GFOD2: variants seen among roughly 807,000 people sequenced by gnomAD.
GFOD2 encodes Gfo/Idh/MocA-like oxidoreductase domain containing 2.
A neutral mutation model predicts 24.6 loss-of-function variants in GFOD2; 9 were observed. The ratio of observed to expected loss-of-function variants is 0.37; its 90% confidence interval spans 0.22 to 0.64. GFOD2 has a LOEUF of 0.64. Among genes scored for constraint, GFOD2 ranks in the 30% least tolerant of loss-of-function variants. The pLI, the probability that GFOD2 is intolerant of heterozygous loss-of-function variation, is 0.65. For missense variants in GFOD2, 476 were observed against 532.5 expected (o/e 0.89, Z 1.04); for synonymous variants, 211 against 224.8 (o/e 0.94, Z 0.55).
chr16:67,692,957 G>A (rs989019545), intron 1 of GFOD2, among the ~76,000 whole-genome samples: 6 of 151,734 alleles, frequency 4.0e-5, no homozygotes, highest in Non-Finnish European at 8.8e-5. Context: ...GTGAACCCAG[G>A]AGGCAGAGCT....
chr16:67,695,043 A>AGCG, intron 1 of GFOD2, among the ~76,000 whole-genome samples: 1 of 125,660 alleles, frequency 8.0e-6, no homozygotes, highest in East Asian at 2.3e-4. Context: ...CCTAGGCTGG[A>AGCG]GCGTAATGGT....
intron 2 of GFOD2, chr16:67,685,081 G>C: frequency 8.3e-7 from 1 of 1,209,154 alleles, no homozygotes; most frequent in Middle Eastern, 3.4e-4. Context: ...TCCTTCCTGT[G>C]GTGCTGTGTG....
chr16:67,681,584 AT>A, intron 2 of GFOD2: 1 of 552,212 alleles, frequency 1.8e-6, no homozygotes, highest in Non-Finnish European at 2.3e-6. Flanking sequence ...AATTTTTTGT[AT>A]TTTTGGTAGA....
rs2053408102 is a variant in GFOD2 at position 67,702,285 on chromosome 16, A to G, written c.-87-16483T>C. On this transcript the variant is annotated intron_variant, in intron 1 of 2. Transcript: ENST00000268797. ...GATTGCTTGAGGCTAGGAGTTTGAG[A>G]CCAACATGTGAAACACTGTCTCTGC... 2.0e-5 allele frequency among the ~76,000 whole-genome samples: 3 copies of G among 151,952 alleles called. No individual in the cohort carries two copies. In the South Asian group the frequency reaches 6.2e-4, roughly 32 times the overall value.
intron 1 of GFOD2, among the ~76,000 whole-genome samples, chr16:67,694,169 G>A (rs907257778): frequency 3.3e-5 from 5 of 152,028 alleles, no homozygotes; most frequent in Admixed American, 2.0e-4. Context: ...TAATTTTTTT[G>A]TATTTTTAGT....
At chr16:67,687,501 TGTG>T (rs1183846164) in intron 1 of GFOD2, among the ~76,000 whole-genome samples, 1 of 151,374 alleles carries the variant, frequency 6.6e-6, no homozygotes, top group East Asian at 1.9e-4. Context: ...ATTAGCCAGT[TGTG>T]GTGGTGGGTG....
At chr16:67,707,081 G>A (rs536612619) in intron 1 of GFOD2, among the ~76,000 whole-genome samples, 20 of 144,524 alleles carry the variant, frequency 1.4e-4, no homozygotes, top group East Asian at 4.1e-4. Flanking sequence ...AAAAATGTCC[G>A]GGCGCAGTGG....
chr16:67,678,516 G>A (rs533695157), intron 2 of GFOD2, among the ~76,000 whole-genome samples: 6 of 151,040 alleles, frequency 4.0e-5, no homozygotes, highest in Non-Finnish European at 7.4e-5. Flanking sequence ...AGAAATGGCC[G>A]ATGTCCCACA....
chr16:67,691,518 A>AC, intron 1 of GFOD2, among the ~76,000 whole-genome samples: 1 of 121,792 alleles, frequency 8.2e-6, no homozygotes, highest in African/African-American at 3.3e-5. Context: ...ACCCCCCCCC[A>AC]AAAAAAAAAA....
intron 1 of GFOD2, among the ~76,000 whole-genome samples, chr16:67,701,643 G>A (rs772568833): frequency 3.3e-5 from 5 of 152,024 alleles, no homozygotes; most frequent in Non-Finnish European, 5.9e-5. Context: ...ATTTTTGTGG[G>A]GTGATGAAAC....
At chr16:67,690,347 GT>G (rs2142994749) in intron 1 of GFOD2, among the ~76,000 whole-genome samples, 1 of 151,234 alleles carries the variant, frequency 6.6e-6, no homozygotes, top group South Asian at 2.1e-4. Flanking sequence ...ATTTTCTGGT[GT>G]TTTTTGTTGG....
chr16:67,713,929 C>CA (rs1217853598), intron 1 of GFOD2, among the ~76,000 whole-genome samples: 1 of 151,934 alleles, frequency 6.6e-6, no homozygotes, highest in Admixed American at 6.6e-5. Flanking sequence ...CATTAGCATA[C>CA]AAAAAACCAT....
In GFOD2 at chr16:67,675,335, G is replaced by A; in HGVS notation, c.978C>T (p.Thr326=). 6.2e-7 allele frequency: 1 copy of A among 1,613,276 alleles called. No homozygotes were observed. Among genetic ancestry groups the A allele is most frequent in the Non-Finnish European group, 8.5e-7 (1 of 1,180,012 alleles). The stretch of plus-strand genomic sequence containing the variant: ...CCATGGAGACAGGGGTGCGGTCCCA[G>A]GTGCGGCGGTCGCCCTGCCCCTGGA... ...QSFQGQGDRR[T]WDRTPVSMAA... The change falls in exon 3 of 3, where the codon ACC becomes ACT. Residue 326 remains threonine, a synonymous_variant. Transcript: ENST00000268797.
At chr16:67,702,592 ATTTTTTTTTTTTTT>A in intron 1 of GFOD2, among the ~76,000 whole-genome samples, 1 of 104,710 alleles carries the variant, frequency 9.6e-6, no homozygotes, top group East Asian at 2.9e-4. Flanking sequence ...GGTAGCCAGG[ATTTTTTTTTTTTTT>A]TTTTTTTTTT....
intron 1 of GFOD2, among the ~76,000 whole-genome samples, chr16:67,717,492 A>G (rs865876325): frequency 1.3e-5 from 2 of 152,282 alleles, no homozygotes; most frequent in Admixed American, 6.5e-5. Flanking sequence ...GCCCTAGCAA[A>G]TAAAAATAAT....
intron 2 of GFOD2, chr16:67,684,949 A>G (rs1222174968): frequency 5.0e-6 from 5 of 1,000,896 alleles, no homozygotes; most frequent in Non-Finnish European, 6.0e-6. Flanking sequence ...GGGAAGCCCA[A>G]TGCTGGCAGA....
chr16:67,708,435 G>A (rs974246968), intron 1 of GFOD2, among the ~76,000 whole-genome samples: 4 of 152,174 alleles, frequency 2.6e-5, no homozygotes, highest in Non-Finnish European at 4.4e-5. Flanking sequence ...ATCTGAAGAT[G>A]GCACTTTTCC....
Position 67,685,485 on chromosome 16 carries a change from G to A in GFOD2, c.231C>T (p.Leu77=), listed in dbSNP as rs900390714. 1.2e-6 allele frequency: 2 copies of A among 1,614,098 alleles called. No homozygotes were observed. Among genetic ancestry groups the A allele is most frequent in the Non-Finnish European group, 1.7e-6 (2 of 1,180,050 alleles). ...DLVCISIPPP[L]TRQISVKALG... ...GAGCCTTCACGGATATCTGCCGGGT[G>A]AGTGGAGGGGGGATGCTGATGCACA... The change falls in exon 2 of 3, where the codon CTC becomes CTT. Residue 77 remains leucine (L), a synonymous_variant. Coordinates refer to ENST00000268797, the MANE Select transcript of GFOD2 (RefSeq NM_030819.4).
chr16:67,678,706 G>A (rs1408557721), intron 2 of GFOD2, among the ~76,000 whole-genome samples: 8 of 152,130 alleles, frequency 5.3e-5, no homozygotes, highest in African/African-American at 1.9e-4. Context: ...CTGTAAAGCA[G>A]GATTTTACAG....
Sources: gnomAD v4.1 joint callset for allele counts (sites outside exome capture counted in the v4.1 genomes callset) on GRCh38, gnomAD v4.1.1 for gene constraint, MANE v1.5 for transcripts, NCBI Gene and HGNC (gene_info 2026-07-23, HGNC 2026-07-21) for gene names.